AK3: variants seen among roughly 807,000 people sequenced by gnomAD.
AK3 encodes the protein GTP:AMP phosphotransferase AK3, mitochondrial.
A neutral mutation model predicts 23.7 loss-of-function variants in AK3; 27 were observed. The observed-to-expected ratio is 1.14, with a 90% CI of 0.84 to 1.57. AK3 has a LOEUF of 1.57. Among genes scored for constraint, AK3 ranks in the 40% most tolerant of loss-of-function variants. The pLI is 0.00. For synonymous variants in AK3, 159 were observed against 116.0 expected (o/e 1.37, Z -2.38); for missense variants, 406 against 285.6 (o/e 1.42, Z -3.04).
At chr9:4,729,327 A>G (rs1175863072) in intron 1 of AK3, among the ~76,000 whole-genome samples, 1 of 152,024 alleles carries the variant, frequency 6.6e-6, no homozygotes, top group Non-Finnish European at 1.5e-5. Flanking sequence ...AATTTTTTAA[A>G]TTTGCTGGGT....
intron 1 of AK3, among the ~76,000 whole-genome samples, chr9:4,732,730 A>C (rs537779916): frequency 6.6e-6 from 1 of 152,318 alleles, no homozygotes; most frequent in South Asian, 2.1e-4. Flanking sequence ...TAAATTCTGT[A>C]TCTCCCTTAA....
At position 4,718,507 on chromosome 9, in the gene AK3, T is replaced by A. The variant is rs768600522; in HGVS notation, c.475A>T (p.Ile159Phe). The change falls in exon 4 of 5, where the codon ATT (isoleucine) becomes TTT (phenylalanine). Residue 159 changes from isoleucine to phenylalanine, a missense_variant. Coordinates refer to ENST00000381809, the MANE Select transcript of AK3 (RefSeq NM_016282.4). ...TCTGGTTTATCATCCTCACGCTGAA[T>A]GAGAGGCTCCCCAGTCAGGTCATCA... ...GIDDLTGEPL[I>F]QREDDKPETV... The A allele has an allele frequency of 6.2e-7, 1 of 1,613,842 alleles. No homozygotes were observed. The highest frequency in any genetic ancestry group is 1.7e-5 in the Admixed American group (1 of 60,024).
At chr9:4,713,228 G>C in intron 4 of AK3, 132 bp from the exon 5 acceptor site, 3 of 1,207,842 alleles carry the variant, frequency 2.5e-6, no homozygotes, top group Admixed American at 2.6e-5. Flanking sequence ...GTGTAATCAG[G>C]AGAGAAAGGC....
In AK3 at chr9:4,713,031, G is replaced by A; in HGVS notation, c.629C>T (p.Ala210Val). Reference sequence around the variant, plus strand: ...TTGTGGAACTTTAGTTTGTAGGAAAGCATATACATAGGGCCAAATCTTGTT... The same window carrying A: ...TTGTGGAACTTTAGTTTGTAGGAAAACATATACATAGGGCCAAATCTTGTT... The part of the protein sequence containing the change: ...ETNKIWPYVY[A>V]FLQTKVPQRS... The change falls in exon 5 of 5, where the codon GCT (alanine) becomes GTT (valine). Residue 210 changes from alanine (A) to valine (V), a missense_variant. Ala to Val is a moderately conservative substitution (Grantham distance 64, BLOSUM62 0). Transcript: ENST00000381809. The A allele has an allele frequency of 6.2e-7, 1 of 1,613,788 alleles. No individual in the cohort carries two copies. Among genetic ancestry groups the A allele is most frequent in the African/African-American group, 1.3e-5 (1 of 75,018 alleles).
intron 1 of AK3, among the ~76,000 whole-genome samples, chr9:4,736,607 T>C (rs1386093120): frequency 6.6e-6 from 1 of 152,044 alleles, no homozygotes; most frequent in Non-Finnish European, 1.5e-5. Flanking sequence ...GAAGATTATC[T>C]ACTACATTCA....
At chr9:4,719,422 A>T in intron 2 of AK3, 115 bp from the exon 3 acceptor site, 1 of 972,696 alleles carries the variant, frequency 1.0e-6, no homozygotes, top group Non-Finnish European at 1.5e-6. Flanking sequence ...GACAATCTGA[A>T]CAAAAGGAAT....
rs544997688 is a variant in AK3 at position 4,728,439 on chromosome 9, T to C, written c.152-5814A>G. Among the ~76,000 whole-genome samples the C allele has an allele frequency of 5.3e-5, 8 of 152,150 alleles. No homozygotes were observed. The East Asian group carries it at 1.5e-3, about 29-fold the overall frequency. On this transcript the variant is annotated intron_variant, in intron 1 of 4. Coordinates refer to ENST00000381809, the MANE Select transcript of AK3 (RefSeq NM_016282.4). The stretch of plus-strand genomic sequence containing the variant: ...TACAAAAATTAGCTGGGTGTGGTGG[T>C]GCATGCCTGTAGTCCCAGCTACCTG...
intron 1 of AK3, among the ~76,000 whole-genome samples, chr9:4,729,015 A>ATATATATATATTTTTT (rs71326127): frequency 1.5e-4 from 20 of 129,434 alleles, no homozygotes; most frequent in South Asian, 2.5e-4. Context: ...ATATATATAT[A>ATATATATATATTTTTT]TTTTTTTTTT....
intron 1 of AK3, among the ~76,000 whole-genome samples, chr9:4,732,897 A>G (rs1436880317): frequency 6.6e-6 from 1 of 150,482 alleles, no homozygotes; most frequent in Non-Finnish European, 1.5e-5. Context: ...CAAAGAGCCA[A>G]TGCAGTGGCA....
Position 4,735,866 on chromosome 9 carries a change from G to T in AK3, c.151+5071C>A, listed in dbSNP as rs1421678018. 2.6e-5 allele frequency among the ~76,000 whole-genome samples: 4 copies of T among 152,048 alleles called. No individual in the cohort carries two copies. The East Asian group carries it at 7.7e-4, about 29-fold the overall frequency. Reference sequence around the variant, plus strand: ...GCAGTAGCTCACGCCTGTAATCCCAGAACTTTGAGAAGCCGAGGTGGGTGG... The same window carrying T: ...GCAGTAGCTCACGCCTGTAATCCCATAACTTTGAGAAGCCGAGGTGGGTGG... On this transcript the variant is annotated intron_variant, in intron 1 of 4. Coordinates refer to ENST00000381809, the MANE Select transcript of AK3 (RefSeq NM_016282.4).
intron 1 of AK3, among the ~76,000 whole-genome samples, chr9:4,740,179 A>G (rs1289518284): frequency 6.6e-6 from 1 of 152,200 alleles, no homozygotes; most frequent in African/African-American, 2.4e-5. Context: ...AGTAAGGTCA[A>G]CATTTTTTGA....
upstream of AK3, chr9:4,742,009 T>A (rs1842446041): frequency 6.6e-6 from 1 of 152,138 alleles, no homozygotes; most frequent in Non-Finnish European, 1.5e-5. Context: ...TTCCATTGAG[T>A]GAGACTCTTT....
At chr9:4,727,867 C>G (rs1053614315) in intron 1 of AK3, among the ~76,000 whole-genome samples, 2 of 152,138 alleles carry the variant, frequency 1.3e-5, no homozygotes, top group African/African-American at 4.8e-5. Flanking sequence ...TTAGAGGCCA[C>G]TGTAGGGTTA....
At chr9:4,732,900 C>T (rs866675791) in intron 1 of AK3, among the ~76,000 whole-genome samples, 2 of 149,762 alleles carry the variant, frequency 1.3e-5, no homozygotes, top group African/African-American at 4.9e-5. Context: ...AGAGCCAATG[C>T]AGTGGCATGA....
chr9:4,740,211 C>G (rs764414187), intron 1 of AK3, among the ~76,000 whole-genome samples: 1 of 152,142 alleles, frequency 6.6e-6, no homozygotes, highest in Non-Finnish European at 1.5e-5. Context: ...CTGCGATTGG[C>G]TTTTCAAAAA....
At chr9:4,720,750 T>C (rs1467150790) in intron 2 of AK3, among the ~76,000 whole-genome samples, 1 of 150,396 alleles carries the variant, frequency 6.6e-6, no homozygotes, top group Non-Finnish European at 1.5e-5. Context: ...AGCAAAAATA[T>C]CATCTGAAAA....
At chr9:4,733,333 TAAAAAA>T (rs56283523) in intron 1 of AK3, among the ~76,000 whole-genome samples, 3 of 151,252 alleles carry the variant, frequency 2.0e-5, no homozygotes, top group Admixed American at 2.0e-4. Flanking sequence ...TCAAGGGCTT[TAAAAAA>T]AAACCTTTCT....
chr9:4,724,134 C>G (rs1417485972), intron 1 of AK3, among the ~76,000 whole-genome samples: 1 of 152,134 alleles, frequency 6.6e-6, no homozygotes, highest in Non-Finnish European at 1.5e-5. Context: ...TAGAAGAGGG[C>G]TTGGCAGATG....
At chr9:4,740,897 G>A in intron 1 of AK3, 40 bp downstream of exon 1, 2 of 1,470,816 alleles carry the variant, frequency 1.4e-6, no homozygotes, top group African/African-American at 1.4e-5. Context: ...GTCCGACCCG[G>A]GTGACAGCGC....
Sources: gnomAD v4.1 joint callset for allele counts (sites outside exome capture counted in the v4.1 genomes callset) on GRCh38, gnomAD v4.1.1 for gene constraint, MANE v1.5 for transcripts, NCBI Gene and HGNC (gene_info 2026-07-23, HGNC 2026-07-21) for gene names.